Variants in DCC observed in about 807,000 individuals in gnomAD.
DCC encodes netrin receptor DCC.
DCC carries 58 observed loss-of-function variants against 172.5 expected under a neutral mutation model. The ratio of observed to expected loss-of-function variants is 0.34; its 90% CI spans 0.27 to 0.42. DCC has a LOEUF of 0.42. DCC is among the 10% of genes least tolerant of loss of function. DCC has a pLI of 1.00. For missense variants in DCC, 1,740 were observed against 1,791.0 expected (o/e 0.97, Z 0.51); for synonymous variants, 709 against 644.5 (o/e 1.10, Z -1.52).
intron 5 of DCC, among the ~76,000 whole-genome samples, chr18:52,966,700 C>T (rs2040936931): frequency 6.6e-6 from 1 of 152,184 alleles, no homozygotes; most frequent in Non-Finnish European, 1.5e-5. Context: ...ATGGCTCCTA[C>T]TGTTTGTGAT....
rs573774648 is a variant in DCC at position 52,695,212 on chromosome 18, A to G, written c.92-56842A>G. 7.9e-5 allele frequency among the ~76,000 whole-genome samples: 12 copies of G among 152,298 alleles called. No individual in the cohort carries two copies. In the East Asian group the frequency reaches 1.9e-3, roughly 24 times the overall value. On this transcript the variant is annotated intron_variant, in intron 1 of 28. Transcript: ENST00000442544. Reference sequence around the variant, plus strand: ...ATCCTAAGCAACTTACTTAACCTCCATGGGCCTCAATTTCTTCAGTTATAA... The same window carrying G: ...ATCCTAAGCAACTTACTTAACCTCCGTGGGCCTCAATTTCTTCAGTTATAA...
At chr18:53,305,306 A>G (rs909696412) in intron 12 of DCC, among the ~76,000 whole-genome samples, 2 of 152,200 alleles carry the variant, frequency 1.3e-5, no homozygotes, top group East Asian at 3.8e-4. Context: ...GCTTTATACC[A>G]TTTAGAATAT....
chr18:53,382,380 A>G (rs891227529), intron 15 of DCC, among the ~76,000 whole-genome samples: 2 of 152,012 alleles, frequency 1.3e-5, no homozygotes, highest in Admixed American at 6.6e-5. Flanking sequence ...TGATCTACCT[A>G]ATTGTATTTT....
intron 2 of DCC, among the ~76,000 whole-genome samples, chr18:52,846,905 G>C (rs1304486658): frequency 6.6e-6 from 1 of 152,086 alleles, no homozygotes; most frequent in Non-Finnish European, 1.5e-5. Context: ...TGGAGCTGGG[G>C]CTGTCAGTGC....
At chr18:52,415,155 G>A (rs907655732) in intron 1 of DCC, among the ~76,000 whole-genome samples, 55 of 152,148 alleles carry the variant, frequency 3.6e-4, no homozygotes, top group African/African-American at 1.3e-3. Context: ...AACATGTCAG[G>A]TTGTTTACCA....
At chr18:53,301,721 TA>T (rs1456052980) in intron 12 of DCC, among the ~76,000 whole-genome samples, 4 of 152,206 alleles carry the variant, frequency 2.6e-5, no homozygotes, top group Admixed American at 2.0e-4. Context: ...TCTATTGGTT[TA>T]TTTTTATGTC....
chr18:53,421,005 C>T (rs1022879347), intron 21 of DCC, among the ~76,000 whole-genome samples: 54 of 152,238 alleles, frequency 3.5e-4, no homozygotes, highest in African/African-American at 1.2e-3. Context: ...CATTTGATTT[C>T]CATTCTTCTA....
chr18:53,150,731 T>C, intron 7 of DCC, among the ~76,000 whole-genome samples: 1 of 152,134 alleles, frequency 6.6e-6, no homozygotes, highest in South Asian at 2.1e-4. Flanking sequence ...CCAGCTGAGT[T>C]TGCAGCACAC....
chr18:52,567,684 G>C (rs1381366331), intron 1 of DCC, among the ~76,000 whole-genome samples: 1 of 152,148 alleles, frequency 6.6e-6, no homozygotes, highest in African/African-American at 2.4e-5. Flanking sequence ...AGGAGGATGA[G>C]TGATGAGAAA....
At chr18:52,453,694 T>G (rs1299495886) in intron 1 of DCC, among the ~76,000 whole-genome samples, 2 of 152,186 alleles carry the variant, frequency 1.3e-5, no homozygotes, top group African/African-American at 4.8e-5. Context: ...GAATTTAAAC[T>G]GTTGCCAAAT....
intron 7 of DCC, among the ~76,000 whole-genome samples, chr18:53,097,153 A>G (rs574205809): frequency 6.6e-6 from 1 of 152,344 alleles, no homozygotes; most frequent in East Asian, 1.9e-4. Context: ...TTAATTTTCT[A>G]TCCAACTGAT....
chr18:53,049,494 A>C (rs1056214409), intron 5 of DCC, among the ~76,000 whole-genome samples: 6 of 152,096 alleles, frequency 3.9e-5, no homozygotes, highest in African/African-American at 1.4e-4. Flanking sequence ...AACTGGTGGT[A>C]AGTATGCAGC....
At position 53,450,608 on chromosome 18, in the gene DCC, T is replaced by C; in HGVS notation, c.3338T>C (p.Val1113Ala). 5 of 1,613,478 alleles carry C rather than the reference T, an allele frequency of 3.1e-6. No homozygotes were observed. Among genetic ancestry groups the C allele is most frequent in the African/African-American group, 1.3e-5 (1 of 74,938 alleles). Reference protein sequence around the residue: ...VVTVGVITVLVVVIVAVICTR... With the variant: ...VVTVGVITVLAVVIVAVICTR... Reference sequence around the variant, plus strand: ...ACCGTTGGTGTCATCACAGTGCTGGTAGTGGTCATCGTGGCTGTGATTTGC... The same window carrying C: ...ACCGTTGGTGTCATCACAGTGCTGGCAGTGGTCATCGTGGCTGTGATTTGC... The change falls in exon 23 of 29, where the codon GTA (valine) becomes GCA (alanine). Residue 1113 changes from valine (V) to alanine (A), a missense_variant. Val to Ala is a moderately conservative substitution (Grantham distance 64). This residue lies in a region of DCC where 1,732 missense variants were observed against 1,767.4 expected (regional missense o/e 0.98). Transcript: ENST00000442544.
chr18:53,113,027 G>T (rs1390516466), intron 7 of DCC, among the ~76,000 whole-genome samples: 1 of 151,350 alleles, frequency 6.6e-6, no homozygotes, highest in Non-Finnish European at 1.5e-5. Context: ...TAATATGCAG[G>T]GCCAGTATTG....
chr18:53,065,470 C>G (rs2042552482), intron 6 of DCC, among the ~76,000 whole-genome samples: 1 of 152,044 alleles, frequency 6.6e-6, no homozygotes, highest in South Asian at 2.1e-4. Context: ...CAATAAGAAC[C>G]ACATGGGTGT....
At chr18:53,460,469 C>A (rs2045544148) in intron 24 of DCC, among the ~76,000 whole-genome samples, 1 of 117,300 alleles carries the variant, frequency 8.5e-6, no homozygotes, top group Non-Finnish European at 1.7e-5. Flanking sequence ...GTGTGATGTT[C>A]CCCTTCCTGT....
intron 5 of DCC, among the ~76,000 whole-genome samples, chr18:52,979,998 C>A (rs1185865206): frequency 6.9e-6 from 1 of 145,070 alleles, no homozygotes; most frequent in Non-Finnish European, 1.5e-5. Flanking sequence ...CTACAGACAG[C>A]ACTTATCCCC....
At chr18:53,525,162 G>A (rs2046440916) in intron 27 of DCC, among the ~76,000 whole-genome samples, 1 of 151,972 alleles carries the variant, frequency 6.6e-6, no homozygotes, top group Admixed American at 6.6e-5. Flanking sequence ...ATGAAAAACA[G>A]GCCAAGACAG....
chr18:52,671,690 T>A (rs531666459), intron 1 of DCC, among the ~76,000 whole-genome samples: 1 of 151,880 alleles, frequency 6.6e-6, no homozygotes, highest in South Asian at 2.1e-4. Context: ...CAGGTGTGTG[T>A]CACTACGCCT....
Sources: gnomAD v4.1 joint callset for allele counts (sites outside exome capture counted in the v4.1 genomes callset) on GRCh38, gnomAD v4.1.1 for gene constraint, gnomAD v4.1.1 regional missense constraint, MANE v1.5 for transcripts, NCBI Gene and HGNC (gene_info 2026-07-23, HGNC 2026-07-21) for gene names.